Variants in BIN3 observed in about 807,000 individuals in gnomAD.
The protein encoded by BIN3 is bridging integrator 3.
A neutral mutation model predicts 38.2 loss-of-function variants in BIN3; 41 were observed. The observed-to-expected ratio is 1.07, with a 90% confidence interval of 0.84 to 1.39. BIN3 has a LOEUF of 1.39. Among genes scored for constraint, BIN3 ranks in the 40% most tolerant of loss-of-function variants. The probability of loss-of-function intolerance (pLI) is 0.00; values close to 1 mark genes in which losing one functional copy is unlikely to be tolerated. For synonymous variants in BIN3, 145 were observed against 122.6 expected (o/e 1.18, Z -1.21); for missense variants, 361 against 324.3 (o/e 1.11, Z -0.87).
chr8:22,635,506 G>T (rs776749363), intron 4 of BIN3, among the ~76,000 whole-genome samples: 1 of 152,138 alleles, frequency 6.6e-6, no homozygotes, highest in Non-Finnish European at 1.5e-5. Flanking sequence ...GGAGCTGCAG[G>T]AGTCCACCCA....
In BIN3 at chr8:22,664,111, G is replaced by A. The variant is rs1803332979; in HGVS notation, c.8+4933C>T. On this transcript the variant is annotated intron_variant, in intron 1 of 8. Coordinates refer to ENST00000276416, the MANE Select transcript of BIN3 (RefSeq NM_018688.6). ...ACACTATACTGGGCCCTATTTGATG[G>A]ATTAGCCACCAAAATCATGAGTTTG... 2.6e-5 allele frequency among the ~76,000 whole-genome samples: 4 copies of A among 152,256 alleles called. No individual in the cohort carries two copies. The South Asian group carries it at 8.3e-4, about 32-fold the overall frequency.
chr8:22,633,101 G>A (rs1425774879), intron 4 of BIN3, among the ~76,000 whole-genome samples: 2 of 152,212 alleles, frequency 1.3e-5, no homozygotes, highest in Non-Finnish European at 2.9e-5. Context: ...GGGCAGAACT[G>A]GGTCTGGAAT....
chr8:22,628,103 G>T (rs1802063354), intron 6 of BIN3, among the ~76,000 whole-genome samples: 1 of 152,274 alleles, frequency 6.6e-6, no homozygotes, highest in Non-Finnish European at 1.5e-5. Flanking sequence ...GAGGTGGGCT[G>T]GGCGCAGCCA....
intron 2 of BIN3, among the ~76,000 whole-genome samples, chr8:22,638,012 GCTCCACAGCCTGTGTTCGTAACCATCATT>G (rs1417032200): frequency 3.3e-5 from 5 of 152,178 alleles, no homozygotes; most frequent in Non-Finnish European, 7.3e-5. Flanking sequence ...AGGCAGCCTG[GCTCCACAGCCTGTGTTCGTAACCATCATT>G]CTCCTGGAAG....
intron 1 of BIN3, among the ~76,000 whole-genome samples, chr8:22,647,694 G>A (rs1802755186): frequency 6.6e-6 from 1 of 152,168 alleles, no homozygotes; most frequent in African/African-American, 2.4e-5. Flanking sequence ...AGACGGAACA[G>A]CTCTTTCCTT....
intron 2 of BIN3, among the ~76,000 whole-genome samples, chr8:22,640,425 G>T (rs1320752802): frequency 6.7e-6 from 1 of 150,312 alleles, no homozygotes; most frequent in African/African-American, 2.5e-5. Flanking sequence ...CTGGCCTCAA[G>T]TGATCTGCCT....
chr8:22,661,123 G>C (rs570963814), intron 1 of BIN3, among the ~76,000 whole-genome samples: 12 of 152,022 alleles, frequency 7.9e-5, no homozygotes, highest in Non-Finnish European at 5.9e-5. Context: ...GGACTCAAGC[G>C]ATCCTCCCGC....
chr8:22,621,084 A>G lies in BIN3; in HGVS notation c.*338T>C, dbSNP rs1190696249. 1 of 246,880 alleles carries G rather than the reference A, an allele frequency of 4.1e-6. No individual in the cohort carries two copies. The highest frequency in any genetic ancestry group is 7.8e-6 in the Non-Finnish European group (1 of 127,652). The allele number at this position is 246,880 out of a possible 1,614,324, so 15.3% of individuals were successfully genotyped here. On this transcript the variant is annotated 3_prime_UTR_variant, in exon 9 of 9. Coordinates refer to ENST00000276416, the MANE Select transcript of BIN3 (RefSeq NM_018688.6). ...AGATTTGATGCCCACAACGCATGCA[A>G]GGCTAAGACCCCCAACTTAGCCAAC...
intron 6 of BIN3, 88 bp from the exon 7 acceptor site, chr8:22,624,451 T>C (rs1343222533): frequency 6.6e-7 from 1 of 1,523,892 alleles, no homozygotes; most frequent in African/African-American, 1.4e-5. Context: ...GTGGCCTGGC[T>C]GGAGATGGGT....
chr8:22,637,854 C>T (rs1802422781), intron 2 of BIN3, among the ~76,000 whole-genome samples: 1 of 152,204 alleles, frequency 6.6e-6, no homozygotes. Flanking sequence ...CGCTAACTCA[C>T]ATTCACAGAG....
chr8:22,627,167 G>A (rs1802030548), intron 6 of BIN3, among the ~76,000 whole-genome samples: 1 of 152,210 alleles, frequency 6.6e-6, no homozygotes, highest in South Asian at 2.1e-4. Flanking sequence ...GGTGATTGCT[G>A]ATAAATTACA....
At chr8:22,657,686 C>A (rs1474005955) in intron 1 of BIN3, among the ~76,000 whole-genome samples, 1 of 152,222 alleles carries the variant, frequency 6.6e-6, no homozygotes, top group Non-Finnish European at 1.5e-5. Context: ...ATGGAGTATT[C>A]CTGCAGGAAG....
chr8:22,652,532 G>T (rs1396951727), intron 1 of BIN3, among the ~76,000 whole-genome samples: 1 of 152,250 alleles, frequency 6.6e-6, no homozygotes, highest in Non-Finnish European at 1.5e-5. Flanking sequence ...GTGGGGAGGG[G>T]AAGGGGTGTG....
chr8:22,642,372 C>T (rs1053636792), intron 2 of BIN3, among the ~76,000 whole-genome samples: 1 of 152,192 alleles, frequency 6.6e-6, no homozygotes, highest in Non-Finnish European at 1.5e-5. Flanking sequence ...ACTGAAGAGG[C>T]AGGGTCTTAC....
At chr8:22,652,219 C>T (rs1802924068) in intron 1 of BIN3, among the ~76,000 whole-genome samples, 1 of 152,064 alleles carries the variant, frequency 6.6e-6, no homozygotes, top group Admixed American at 6.5e-5. Context: ...ATACTAAGTG[C>T]TTTCCTTGGA....
At chr8:22,660,686 T>TA (rs1235742006) in intron 1 of BIN3, among the ~76,000 whole-genome samples, 1 of 152,194 alleles carries the variant, frequency 6.6e-6, no homozygotes, top group Non-Finnish European at 1.5e-5. Flanking sequence ...GTTTAAAAAT[T>TA]AAAAAAATAT....
At chr8:22,639,795 T>C (rs1163462283) in intron 2 of BIN3, among the ~76,000 whole-genome samples, 5 of 152,134 alleles carry the variant, frequency 3.3e-5, no homozygotes, top group African/African-American at 1.2e-4. Flanking sequence ...AACCCTGATG[T>C]TGGTTAAGGG....
At chr8:22,664,460 G>A (rs1186818742) in intron 1 of BIN3, among the ~76,000 whole-genome samples, 1 of 152,232 alleles carries the variant, frequency 6.6e-6, no homozygotes, top group Non-Finnish European at 1.5e-5. Context: ...CTTAGGCAGG[G>A]GCCCCATAGG....
chr8:22,659,246 C>T (rs1440884061), intron 1 of BIN3, among the ~76,000 whole-genome samples: 4 of 152,222 alleles, frequency 2.6e-5, no homozygotes, highest in African/African-American at 9.6e-5. Flanking sequence ...GGAAATCAGT[C>T]CTTTCCAGTG....
Sources: allele counts gnomAD v4.1 joint callset (sites outside exome capture counted in the v4.1 genomes callset), GRCh38; gene constraint gnomAD v4.1.1; transcripts MANE v1.5; gene names NCBI Gene and HGNC (gene_info 2026-07-23, HGNC 2026-07-21).